LMBR1: variants seen among roughly 807,000 people sequenced by gnomAD.
LMBR1 encodes the protein limb region 1 protein homolog.
A neutral mutation model predicts 73.9 loss-of-function variants in LMBR1; 52 were observed. That is an observed-to-expected ratio of 0.70 (90% CI 0.56 to 0.89). The LOEUF (loss-of-function observed/expected upper bound fraction) is 0.89, where lower values mean the gene tolerates loss of function less well. LMBR1 is among the 40% of genes least tolerant of loss of function. The pLI is 0.00. For synonymous variants in LMBR1, 215 were observed against 209.4 expected, an observed-to-expected ratio of 1.03 and a Z score of -0.23; for missense variants, 539 against 579.8, an observed-to-expected ratio of 0.93 and a Z score of 0.72.
At chr7:156,778,588 TAG>T (rs1395867735) in intron 5 of LMBR1, among the ~76,000 whole-genome samples, 1 of 152,230 alleles carries the variant, frequency 6.6e-6, no homozygotes, top group Non-Finnish European at 1.5e-5. Flanking sequence ...AACTTTGAGC[TAG>T]AGAGAAGAGA....
At chr7:156,833,914 A>G in intron 2 of LMBR1, 122 bp from the exon 3 acceptor site, 4 of 636,882 alleles carry the variant, frequency 6.3e-6, no homozygotes, top group Non-Finnish European at 1.1e-5. Context: ...ACAATTTTCA[A>G]AAAGCACTGT....
At chr7:156,741,623 G>A (rs746920683) in intron 9 of LMBR1, among the ~76,000 whole-genome samples, 6 of 152,054 alleles carry the variant, frequency 3.9e-5, no homozygotes, top group African/African-American at 7.2e-5. Context: ...AAAGATATAT[G>A]CACCAATGGA....
intron 15 of LMBR1, among the ~76,000 whole-genome samples, chr7:156,714,146 A>G (rs1472383127): frequency 1.3e-5 from 2 of 152,214 alleles, no homozygotes; most frequent in African/African-American, 2.4e-5. Flanking sequence ...CTCCCACCGC[A>G]TATGTGTGCT....
chr7:156,741,469 T>C (rs1280869153), intron 9 of LMBR1, among the ~76,000 whole-genome samples: 1 of 152,146 alleles, frequency 6.6e-6, no homozygotes, highest in African/African-American at 2.4e-5. Flanking sequence ...AGATATTCCA[T>C]GCTAATGCAA....
chr7:156,686,859 A>G (rs1324160874), intron 16 of LMBR1, among the ~76,000 whole-genome samples: 2 of 152,254 alleles, frequency 1.3e-5, no homozygotes, highest in Admixed American at 6.5e-5. Context: ...TAGACATCTG[A>G]TAAAAAGGAC....
chr7:156,676,812 C>CA, downstream of LMBR1: 1 of 606,394 alleles, frequency 1.6e-6, no homozygotes, highest in Non-Finnish European at 2.9e-6. Context: ...ATTTTAAAAG[C>CA]TGACATCCCA....
chr7:156,873,359 G>C (rs565874364), intron 1 of LMBR1, among the ~76,000 whole-genome samples: 8 of 152,290 alleles, frequency 5.3e-5, no homozygotes, highest in African/African-American at 1.9e-4. Flanking sequence ...GATCTTCGCG[G>C]TGAGTGTTAC....
chr7:156,799,492 T>A (rs1830584030), intron 4 of LMBR1, among the ~76,000 whole-genome samples: 1 of 152,248 alleles, frequency 6.6e-6, no homozygotes, highest in Admixed American at 6.5e-5. Flanking sequence ...ATTGTGCCCA[T>A]AAAAGATGCC....
rs1262884611 is a variant in LMBR1 at position 156,730,936 on chromosome 7, C to CATAA, written c.839-2220_839-2217dup. Among the ~76,000 whole-genome samples the CATAA allele has an allele frequency of 4.7e-5, 7 of 150,234 alleles. No individual in the cohort carries two copies. In the East Asian group the frequency reaches 7.8e-4, roughly 17 times the overall value. ...GGGCAACAAGAGCGAAACTCCATTT[C>CATAA]ATAAATAAATAAATAAATGGAAAAA... On this transcript the variant is annotated intron_variant, in intron 10 of 16. Transcript: ENST00000353442.
At chr7:156,746,333 G>A (rs1388722993) in intron 9 of LMBR1, among the ~76,000 whole-genome samples, 2 of 152,066 alleles carry the variant, frequency 1.3e-5, no homozygotes, top group Admixed American at 6.6e-5. Context: ...ATAAGCTCAT[G>A]AGTATTTAGA....
chr7:156,740,185 T>C (rs1818632765), intron 9 of LMBR1, among the ~76,000 whole-genome samples: 1 of 151,958 alleles, frequency 6.6e-6, no homozygotes, highest in Non-Finnish European at 1.5e-5. Flanking sequence ...AGACAGGCTG[T>C]TTGAAAATAC....
At position 156,725,484 on chromosome 7, in the gene LMBR1, C is replaced by T. The variant is rs200345135; in HGVS notation, c.1109G>A (p.Arg370Gln). Residue 370 changes from arginine to glutamine, a missense_variant, in exon 14 of 17, where the codon CGA becomes CAA. Coordinates refer to ENST00000353442, the MANE Select transcript of LMBR1 (RefSeq NM_022458.4). ...CTTGGGAGTAAAGTTTCCAAAAAAT[C>T]GAAGGCTATAGAAGCCGACAACAGA... ...VSSVVGFYSL[R>Q]FFGNFTPKKD... The T allele has an allele frequency of 4.3e-6, 7 of 1,610,584 alleles. No homozygotes were observed. Among genetic ancestry groups the T allele is most frequent in the Middle Eastern group, 1.7e-4 (1 of 6,034 alleles).
At chr7:156,768,188 C>A (rs1204400195) in intron 5 of LMBR1, among the ~76,000 whole-genome samples, 2 of 151,912 alleles carry the variant, frequency 1.3e-5, no homozygotes, top group African/African-American at 4.8e-5. Context: ...GAGTTCAAGA[C>A]CAGCATGGTG....
At chr7:156,686,778 A>G (rs1439799827) in intron 16 of LMBR1, among the ~76,000 whole-genome samples, 1 of 152,254 alleles carries the variant, frequency 6.6e-6, no homozygotes, top group Non-Finnish European at 1.5e-5. Flanking sequence ...TGGAAAGTGG[A>G]AATTTATCTG....
chr7:156,784,948 A>G (rs1408427515), intron 5 of LMBR1, among the ~76,000 whole-genome samples: 1 of 152,234 alleles, frequency 6.6e-6, no homozygotes, highest in African/African-American at 2.4e-5. Context: ...AGACATCTGC[A>G]TCTCTTTTGC....
intron 9 of LMBR1, among the ~76,000 whole-genome samples, chr7:156,748,979 C>G (rs1207541917): frequency 1.3e-5 from 2 of 152,080 alleles, no homozygotes; most frequent in Non-Finnish European, 1.5e-5. Flanking sequence ...ATTTTATTGT[C>G]ATAAATTGTG....
At chr7:156,686,428 C>G (rs1398355480) in intron 16 of LMBR1, among the ~76,000 whole-genome samples, 5 of 152,128 alleles carry the variant, frequency 3.3e-5, no homozygotes, top group Non-Finnish European at 7.4e-5. Context: ...AATCAAATTA[C>G]AAGTCTCAGC....
At chr7:156,698,981 A>G (rs905812173) in intron 15 of LMBR1, among the ~76,000 whole-genome samples, 1 of 152,174 alleles carries the variant, frequency 6.6e-6, no homozygotes, top group African/African-American at 2.4e-5. Flanking sequence ...TAAATGTTTT[A>G]TGTTTAAATG....
At chr7:156,725,229 T>C (rs954189052) in intron 14 of LMBR1, among the ~76,000 whole-genome samples, 1 of 152,152 alleles carries the variant, frequency 6.6e-6, no homozygotes, top group Admixed American at 6.6e-5. Context: ...TTCTCCGCAT[T>C]TACAGTGAAT....
Sources: gnomAD v4.1 joint callset for allele counts (sites outside exome capture counted in the v4.1 genomes callset) on GRCh38, gnomAD v4.1.1 for gene constraint, MANE v1.5 for transcripts, NCBI Gene and HGNC (gene_info 2026-07-23, HGNC 2026-07-21) for gene names.